GRIP2: variants seen among roughly 807,000 people sequenced by gnomAD.
GRIP2 encodes glutamate receptor interacting protein 2, also known as glutamate receptor-interacting protein 2.
Under a neutral mutation model 108.3 loss-of-function variants are expected in GRIP2, and 58 were observed. The ratio of observed to expected loss-of-function variants is 0.54; its 90% CI spans 0.43 to 0.67. The LOEUF is 0.67. Ranked by LOEUF, GRIP2 falls within the 30% of genes least tolerant of loss-of-function variation. The pLI is 0.00. For missense variants in GRIP2, 1,278 were observed against 1,430.6 expected (o/e 0.89, Z 1.72); for synonymous variants, 586 against 598.2 (o/e 0.98, Z 0.30).
chr3:14,497,955 G>A (rs1439550200), intron 21 of GRIP2, among the ~76,000 whole-genome samples: 1 of 152,144 alleles, frequency 6.6e-6, no homozygotes, highest in Non-Finnish European at 1.5e-5. Context: ...ATGGAGGTGG[G>A]GGTGCTGGAG....
chr3:14,494,502 G>GA (rs1461397484), intron 23 of GRIP2, among the ~76,000 whole-genome samples: 1 of 152,194 alleles, frequency 6.6e-6, no homozygotes, highest in Non-Finnish European at 1.5e-5. Flanking sequence ...GGTGAAGGCG[G>GA]AAAAAATCCA....
chr3:14,493,895 C>T lies in GRIP2; in HGVS notation c.2971-69G>A, dbSNP rs1449101296. 6.6e-6 allele frequency: 10 copies of T among 1,521,636 alleles called. No individual in the cohort carries two copies. In the East Asian group the frequency reaches 1.9e-4, roughly 28 times the overall value. 94.3% of individuals were successfully genotyped at this position (1,521,636 alleles called of 1,614,324 possible). ...CTGCTGCGCTGAAGGGAGCAAGAGG[C>T]ATGTGATGTCCTAAAGATGGGTCCT... On this transcript the variant is annotated intron_variant, in intron 23 of 23. Transcript: ENST00000621039.
At chr3:14,574,321 G>GGGCGAAGAGTTTGCGCACC in the GRIP2 span, 1 of 1,014,818 alleles carries the variant, frequency 9.9e-7, no homozygotes, top group Non-Finnish European at 1.5e-6. Flanking sequence ...CGCTTCTCCC[G>GGGCGAAGAGTTTGCGCACC]GGCGAAGAGT....
At chr3:14,537,820 T>C (rs1388781686) in intron 1 of GRIP2, among the ~76,000 whole-genome samples, 1 of 152,182 alleles carries the variant, frequency 6.6e-6, no homozygotes, top group Non-Finnish European at 1.5e-5. Flanking sequence ...GCCCCCAGCA[T>C]GGCAGCAAGT....
At chr3:14,514,580 A>G in intron 11 of GRIP2, 102 bp from the exon 12 acceptor site, 1 of 1,233,670 alleles carries the variant, frequency 8.1e-7, no homozygotes, top group Admixed American at 2.8e-5. Context: ...GCCAGAGTGC[A>G]AGGAAGTGGG....
Position 14,505,864 on chromosome 3 carries a change from G to T in GRIP2, c.2399-75C>A. 1 of 1,388,010 alleles carries T rather than the reference G, an allele frequency of 7.2e-7. No individual in the cohort carries two copies. The highest frequency in any genetic ancestry group is 9.6e-7 in the Non-Finnish European group (1 of 1,044,612). The allele number at this position is 1,388,010 out of a possible 1,614,324, so 86.0% of individuals were successfully genotyped here. On this transcript the variant is annotated intron_variant, in intron 19 of 23. Transcript: ENST00000621039. The surrounding 1 kb of genome is among the most constrained non-coding windows in gnomAD (Gnocchi z 4.2). Reference sequence around the variant, plus strand: ...TCCTGCCTGCCCCATTTCCAGCTGTGCTGAGTGACCCTGGGGAGGTCGTTG... The same window carrying T: ...TCCTGCCTGCCCCATTTCCAGCTGTTCTGAGTGACCCTGGGGAGGTCGTTG...
intron 21 of GRIP2, among the ~76,000 whole-genome samples, chr3:14,497,752 T>G (rs904647650): frequency 6.6e-6 from 1 of 151,966 alleles, no homozygotes; most frequent in Non-Finnish European, 1.5e-5. Context: ...TTAGGGGTCA[T>G]GTAGTGGTCC....
At position 14,529,876 on chromosome 3, in the gene GRIP2, C is replaced by A. The variant is rs982635562; in HGVS notation, c.41-3945G>T. Among the ~76,000 whole-genome samples the A allele has an allele frequency of 4.6e-5, 7 of 152,156 alleles. 1 individual carries two copies. The highest frequency in any genetic ancestry group is 1.7e-4 in the African/African-American group (7 of 41,418). On this transcript the variant is annotated intron_variant, in intron 1 of 23. Coordinates refer to ENST00000621039, the MANE Select transcript of GRIP2 (RefSeq NM_001080423.4). ...AATTCTATTCAGCCTGGTTGTAGGG[C>A]TCCAGGGTCCAGAGAGAATTTTCCA...
At chr3:14,601,601 T>A in the GRIP2 span, among the ~76,000 whole-genome samples, 1 of 152,164 alleles carries the variant, frequency 6.6e-6, no homozygotes, top group Non-Finnish European at 1.5e-5. Context: ...AGGCACTGGC[T>A]AAGGCTTAAT....
chr3:14,538,446 T>C (rs1694885740), intron 1 of GRIP2, among the ~76,000 whole-genome samples: 1 of 152,124 alleles, frequency 6.6e-6, no homozygotes, highest in African/African-American at 2.4e-5. Flanking sequence ...CCAGGAACTC[T>C]CAAGGAGAGG....
At chr3:14,596,982 A>C in the GRIP2 span, among the ~76,000 whole-genome samples, 1 of 152,120 alleles carries the variant, frequency 6.6e-6, no homozygotes, top group Non-Finnish European at 1.5e-5. Context: ...AGCTCAAGTA[A>C]TTCTACCTGC....
At chr3:14,563,127 G>A in the GRIP2 span, among the ~76,000 whole-genome samples, 1 of 152,194 alleles carries the variant, frequency 6.6e-6, no homozygotes, top group Non-Finnish European at 1.5e-5. Flanking sequence ...AACCGATCAT[G>A]AAAAGACATT....
chr3:14,580,197 C>T, the GRIP2 span, among the ~76,000 whole-genome samples: 1 of 152,210 alleles, frequency 6.6e-6, no homozygotes, highest in Non-Finnish European at 1.5e-5. Flanking sequence ...TACAAGTAGT[C>T]CATGGAGACC....
chr3:14,555,914 C>T (rs561305065), exon 1 of GRIP2: 22 of 399,766 alleles, frequency 5.5e-5, no homozygotes, highest in African/African-American at 4.1e-4. Context: ...GAGACGCCGC[C>T]TCACCACGCC....
the GRIP2 span, among the ~76,000 whole-genome samples, chr3:14,602,839 G>A: frequency 6.6e-6 from 1 of 151,240 alleles, no homozygotes; most frequent in East Asian, 2.0e-4. The surrounding 1 kb of genome is among the most constrained non-coding windows in gnomAD (Gnocchi z 4.7). Context: ...CCCCAGGCGT[G>A]TGCGCCCCGG....
the GRIP2 span, among the ~76,000 whole-genome samples, chr3:14,571,196 G>A: frequency 5.3e-5 from 8 of 152,182 alleles, no homozygotes; most frequent in Middle Eastern, 3.2e-3. Flanking sequence ...GAGAGTGTCT[G>A]TACGTGCAGG....
intron 22 of GRIP2, 77 bp downstream of exon 22, chr3:14,496,340 C>T (rs1693599662): frequency 7.7e-7 from 1 of 1,290,376 alleles, no homozygotes; most frequent in Admixed American, 2.5e-5. Flanking sequence ...GGGGCAGGGC[C>T]CCTCTGGAGT....
chr3:14,519,072 C>T (rs183034727), intron 9 of GRIP2, among the ~76,000 whole-genome samples: 5 of 152,282 alleles, frequency 3.3e-5, no homozygotes, highest in Admixed American at 3.3e-4. Context: ...AGTAATGAGG[C>T]GTGCAGGCCG....
At chr3:14,513,084 C>T (rs904547419) in intron 13 of GRIP2, among the ~76,000 whole-genome samples, 1 of 152,160 alleles carries the variant, frequency 6.6e-6, no homozygotes, top group African/African-American at 2.4e-5. Context: ...GGGCTGGAAC[C>T]AGGCCTCTTG....
Sources: allele counts gnomAD v4.1 joint callset (sites outside exome capture counted in the v4.1 genomes callset), GRCh38; gene constraint gnomAD v4.1.1; non-coding constraint Gnocchi (gnomAD v3.1); transcripts MANE v1.5; gene names NCBI Gene and HGNC (gene_info 2026-07-23, HGNC 2026-07-21).